Variants in CDC42BPB observed in about 807,000 individuals in gnomAD.
CDC42BPB encodes the protein serine/threonine-protein kinase MRCK beta.
A neutral mutation model predicts 214.9 loss-of-function variants in CDC42BPB; 37 were observed. The ratio of observed to expected loss-of-function variants is 0.17; its 90% CI spans 0.13 to 0.23. CDC42BPB has a LOEUF of 0.23. CDC42BPB is among the 10% of genes least tolerant of loss of function. CDC42BPB has a pLI of 1.00. For synonymous variants in CDC42BPB, 931 were observed against 884.0 expected (o/e 1.05, Z -0.94); for missense variants, 1,694 against 2,227.0 (o/e 0.76, Z 4.82).
intron 3 of CDC42BPB, among the ~76,000 whole-genome samples, chr14:103,007,036 G>A (rs1170531139): frequency 2.6e-5 from 4 of 152,178 alleles, no homozygotes; most frequent in East Asian, 1.9e-4. Context: ...CAGGCCCAGC[G>A]GAAGCACACA....
intron 1 of CDC42BPB, among the ~76,000 whole-genome samples, chr14:103,044,186 G>C (rs1186247558): frequency 2.0e-5 from 3 of 151,908 alleles, no homozygotes; most frequent in Non-Finnish European, 4.4e-5. Flanking sequence ...CAAATACTTC[G>C]GGTTAGAAAA....
In CDC42BPB at chr14:102,999,843, C is replaced by A. The variant is rs1391367117; in HGVS notation, c.448-130G>T. On this transcript the variant is annotated intron_variant, in intron 4 of 36. Transcript: ENST00000361246. ...GGCTCGTGGCATCTCAGCTGCTCTT[C>A]TGTCACCCAAGACCCTCCTTCTGGA... 5 of 1,483,610 alleles carry A rather than the reference C, an allele frequency of 3.4e-6. No homozygotes were observed. The Admixed American group carries it at 1.2e-4, about 34-fold the overall frequency. The allele number at this position is 1,483,610 out of a possible 1,614,324, so 91.9% of individuals were successfully genotyped here.
In CDC42BPB at chr14:103,050,043, C is replaced by A. The variant is rs1379315457; in HGVS notation, c.175+6956G>T. Among the ~76,000 whole-genome samples the A allele has an allele frequency of 2.6e-5, 4 of 152,312 alleles. No homozygotes were observed. The East Asian group carries it at 5.8e-4, about 22-fold the overall frequency. On this transcript the variant is annotated intron_variant, in intron 1 of 36. Transcript: ENST00000361246. Reference sequence around the variant, plus strand: ...TAACTTCTAAAGCTAAGATTAGATGCGTCTTTTGGGGTCAATTTCAAATTC... The same window carrying A: ...TAACTTCTAAAGCTAAGATTAGATGAGTCTTTTGGGGTCAATTTCAAATTC...
intron 1 of CDC42BPB, among the ~76,000 whole-genome samples, chr14:103,038,715 C>CG (rs34311134): frequency 0.14 from 3,976 of 28,966 alleles, 248 homozygotes; most frequent in Non-Finnish European, 0.17. Flanking sequence ...TTTGTAGAGA[C>CG]GGGGGGGGGG....
At chr14:102,942,681 A>C (rs552645219) in intron 30 of CDC42BPB, among the ~76,000 whole-genome samples, 4 of 152,264 alleles carry the variant, frequency 2.6e-5, no homozygotes, top group South Asian at 4.1e-4. Context: ...AGTAGCTGGG[A>C]CTACAGGCAT....
intron 33 of CDC42BPB, 36 bp from the exon 34 acceptor site, chr14:102,939,763 C>G (rs371308106): frequency 5.6e-6 from 9 of 1,614,072 alleles, no homozygotes; most frequent in Non-Finnish European, 7.6e-6. Flanking sequence ...TTCATGGATA[C>G]GTGAGAATCC....
Position 103,053,845 on chromosome 14 carries a change from TTTTA to T in CDC42BPB, c.175+3150_175+3153del, listed in dbSNP as rs1384435669. On this transcript the variant is annotated intron_variant, in intron 1 of 36. Transcript: ENST00000361246. ...AAAATATGAGCCAAAAATAATCATA[TTTTA>T]TTTATTTTTGAGACAGGGTCTCACT... Among the ~76,000 whole-genome samples the T allele has an allele frequency of 3.3e-5, 5 of 151,646 alleles. No homozygotes were observed. The East Asian group carries it at 5.8e-4, about 18-fold the overall frequency.
In CDC42BPB at chr14:102,974,051, G is replaced by C; in HGVS notation, c.1606C>G (p.Arg536Gly). The change falls in exon 12 of 37, where the codon CGC (arginine) becomes GGC (glycine). Residue 536 changes from arginine to glycine, a missense_variant. Transcript: ENST00000361246. ...QRLRGLEKQHRVVRQEKEELH... is the reference protein window; with the variant it reads ...QRLRGLEKQHGVVRQEKEELH... ...TCCTCCTTCTCCTGCCGGACCACGC[G>C]GTGCTGCTTCTCCAGCCCCCGCAGC... 6.2e-7 allele frequency: 1 copy of C among 1,613,148 alleles called. No homozygotes were observed. The highest frequency in any genetic ancestry group is 8.5e-7 in the Non-Finnish European group (1 of 1,179,582).
chr14:102,971,327 G>T (rs537647457), intron 13 of CDC42BPB, among the ~76,000 whole-genome samples: 23 of 152,356 alleles, frequency 1.5e-4, no homozygotes, highest in South Asian at 1.4e-3. Context: ...GTATTAACAA[G>T]ATTTTGTTTT....
rs532514111 is a variant in CDC42BPB, at chr14:102,968,730, T to C, written c.1996-14A>G. On this transcript the variant is annotated splice_polypyrimidine_tract_variant and intron_variant, in intron 14 of 36. Coordinates refer to ENST00000361246, the MANE Select transcript of CDC42BPB (RefSeq NM_006035.4). ...TCCTTGCTTCACCTGAAGACAAAGG[T>C]TAACATAAATTGACAAACCTCTGTG... The C allele has an allele frequency of 3.7e-6, 6 of 1,612,482 alleles. No homozygotes were observed. The South Asian group carries it at 6.6e-5, about 18-fold the overall frequency.
intron 5 of CDC42BPB, among the ~76,000 whole-genome samples, chr14:102,990,178 G>C (rs1894427937): frequency 1.3e-5 from 2 of 152,178 alleles, no homozygotes; most frequent in Admixed American, 6.5e-5. Context: ...ATGGAAAACT[G>C]ATTCAAACCA....
At chr14:103,045,055 T>C (rs1888214967) in intron 1 of CDC42BPB, among the ~76,000 whole-genome samples, 1 of 151,094 alleles carries the variant, frequency 6.6e-6, no homozygotes, top group Non-Finnish European at 1.5e-5. Context: ...AATAAATAAA[T>C]AAATAAATAA....
intron 1 of CDC42BPB, among the ~76,000 whole-genome samples, chr14:103,024,180 G>A (rs762552011): frequency 2.6e-5 from 4 of 152,240 alleles, no homozygotes; most frequent in Admixed American, 2.0e-4. Context: ...GAAGAGAACC[G>A]TCTACGCATC....
chr14:102,965,828 C>T (rs192821145), intron 18 of CDC42BPB, among the ~76,000 whole-genome samples: 58 of 152,226 alleles, frequency 3.8e-4, no homozygotes, highest in Non-Finnish European at 6.6e-4. Flanking sequence ...TAGCGGCACA[C>T]GCCTGTAATC....
At chr14:102,958,575 C>A (rs1014827010) in intron 21 of CDC42BPB, among the ~76,000 whole-genome samples, 8 of 152,130 alleles carry the variant, frequency 5.3e-5, no homozygotes, top group African/African-American at 1.9e-4. Flanking sequence ...GGAGGAAAGG[C>A]TGTCCTGCCT....
At chr14:102,999,901 T>C in intron 4 of CDC42BPB, 188 bp from the exon 5 acceptor site, 3 of 985,402 alleles carry the variant, frequency 3.0e-6, no homozygotes, top group Non-Finnish European at 3.6e-6. Context: ...GACGCCGCCA[T>C]CTTCAGGGGT....
At chr14:102,998,118 C>T (rs1191502431) in intron 5 of CDC42BPB, among the ~76,000 whole-genome samples, 1 of 152,104 alleles carries the variant, frequency 6.6e-6, no homozygotes, top group African/African-American at 2.4e-5. Context: ...CAGAGCGAGA[C>T]TCCATCCTAA....
rs189075570 is a variant in CDC42BPB at position 102,941,348 on chromosome 14, C to T, written c.4409-1024G>A. ...GAAGATGCATTTTAAAAGCCTTCTG[C>T]TCTGTTTCTATCACAGACTCCAAAC... is the stretch of plus-strand genomic sequence containing the variant. On this transcript the variant is annotated intron_variant, in intron 30 of 36. Transcript: ENST00000361246. The T allele has an allele frequency of 1.0e-5, 10 of 985,384 alleles. No homozygotes were observed. In the East Asian group the frequency reaches 4.5e-4, roughly 45 times the overall value. The allele number at this position is 985,384 out of a possible 1,614,324, so 61.0% of individuals were successfully genotyped here.
intron 4 of CDC42BPB, among the ~76,000 whole-genome samples, chr14:103,003,510 C>G (rs578150075): frequency 1.3e-5 from 2 of 152,356 alleles, no homozygotes; most frequent in East Asian, 1.9e-4. Context: ...GCACCCCCCC[C>G]ACCGCGGGAA....
Sources: allele counts gnomAD v4.1 joint callset (sites outside exome capture counted in the v4.1 genomes callset), GRCh38; gene constraint gnomAD v4.1.1; transcripts MANE v1.5; gene names NCBI Gene and HGNC (gene_info 2026-07-23, HGNC 2026-07-21).